The following SPIRE2 variants were observed in gnomAD, a reference collection of about 807,000 sequenced individuals.
SPIRE2 encodes protein spire homolog 2.
SPIRE2 carries 76 observed loss-of-function variants against 80.7 expected under a neutral mutation model. The ratio of observed to expected loss-of-function variants is 0.94; its 90% CI spans 0.78 to 1.14. The LOEUF (loss-of-function observed/expected upper bound fraction) is 1.14, where lower values mean the gene tolerates loss of function less well. Ranked by LOEUF, SPIRE2 falls within the 50% of genes most tolerant of loss-of-function variation. The probability of loss-of-function intolerance (pLI) is 0.00; values close to 1 mark genes in which losing one functional copy is unlikely to be tolerated. For synonymous variants in SPIRE2, 535 were observed against 432.6 expected (o/e 1.24, Z -2.94); for missense variants, 1,196 against 1,015.3 (o/e 1.18, Z -2.42).
chr16:89,850,436 G>C lies in SPIRE2; in HGVS notation c.421G>C (p.Gly141Arg), dbSNP rs554550046. 6 of 1,575,284 alleles carry C rather than the reference G, an allele frequency of 3.8e-6. No homozygotes were observed. In the South Asian group the frequency reaches 4.7e-5, roughly 12 times the overall value. The change falls in exon 3 of 15, where the codon GGC (glycine) becomes CGC (arginine). Residue 141 changes from glycine (G) to arginine (R), a missense_variant. By Grantham distance (125) the Gly-to-Arg change is moderately radical. Coordinates refer to ENST00000378247, the MANE Select transcript of SPIRE2 (RefSeq NM_032451.2). ...GGCCAACAACGACAGCGAGGACAGC[G>C]GCTGCGGTGCCGCCGATGAGGGCTA... ...LMANNDSEDS[G>R]CGAADEGYGG...
At chr16:89,844,317 C>G (rs542629075) in intron 1 of SPIRE2, among the ~76,000 whole-genome samples, 2 of 152,108 alleles carry the variant, frequency 1.3e-5, no homozygotes, top group South Asian at 4.1e-4. Context: ...TACAGGTGCT[C>G]TCCACTATGC....
At chr16:89,840,784 C>A (rs1043754430) in intron 1 of SPIRE2, among the ~76,000 whole-genome samples, 1 of 150,626 alleles carries the variant, frequency 6.6e-6, no homozygotes, top group Non-Finnish European at 1.5e-5. Context: ...TACAGGTGCC[C>A]GCCACCACGC....
In SPIRE2 at chr16:89,828,676, C is replaced by T. The variant is rs983859713; in HGVS notation, c.126C>T (p.Ala42=). The change falls in exon 1 of 15, where the codon GCC becomes GCT. Residue 42 remains alanine, a synonymous_variant. Transcript: ENST00000378247. The surrounding 1 kb of genome is among the most constrained non-coding windows in gnomAD (Gnocchi z 5.9). ...EQPLNEEQAW[A]VCFQGCRGLR... ...CGCTCAACGAGGAGCAGGCGTGGGC[C>T]GTGTGCTTCCAGGGCTGCCGCGGGC... 2.2e-6 allele frequency: 3 copies of T among 1,341,670 alleles called. No homozygotes were observed. Among genetic ancestry groups the T allele is most frequent in the Non-Finnish European group, 2.9e-6 (3 of 1,038,962 alleles). 83.1% of individuals were successfully genotyped at this position (1,341,670 alleles called of 1,614,324 possible).
chr16:89,850,077 C>T (rs375225667), intron 2 of SPIRE2: 1 of 663,734 alleles, frequency 1.5e-6, no homozygotes, highest in African/African-American at 1.8e-5. Flanking sequence ...ACCTCGTGAT[C>T]CGCCCGCCTC....
intron 12 of SPIRE2, among the ~76,000 whole-genome samples, chr16:89,866,544 C>T (rs920569027): frequency 2.0e-5 from 3 of 152,186 alleles, no homozygotes; most frequent in Non-Finnish European, 4.4e-5. Context: ...GATCGCCCAC[C>T]TTGGCCTCCC....
intron 3 of SPIRE2, among the ~76,000 whole-genome samples, chr16:89,853,365 G>C (rs1007938413): frequency 5.3e-5 from 8 of 152,284 alleles, no homozygotes; most frequent in African/African-American, 1.9e-4. Context: ...GGCGAAGTTT[G>C]GGGAATTGGT....
intron 10 of SPIRE2, chr16:89,862,371 G>A (rs1204654545): frequency 6.9e-6 from 1 of 145,424 alleles, no homozygotes. Context: ...TAAGGAATTA[G>A]AGGACACATT....
intron 12 of SPIRE2, among the ~76,000 whole-genome samples, chr16:89,865,917 G>A (rs560772329): frequency 7.0e-6 from 1 of 141,994 alleles, no homozygotes; most frequent in East Asian, 2.1e-4. Flanking sequence ...GCAGTGAGCC[G>A]AGATCGCGCC....
chr16:89,868,280 T>C lies in SPIRE2; in HGVS notation c.1806+64T>C, dbSNP rs1597226418. ...AGATGAGGGGCTCCACTGGCTTTGATTGGATGTGTTGGATGATGCTGCCTC... is the reference window on the plus strand; with the variant it reads ...AGATGAGGGGCTCCACTGGCTTTGACTGGATGTGTTGGATGATGCTGCCTC... On this transcript the variant is annotated intron_variant, in intron 13 of 14. Transcript: ENST00000378247. The C allele has an allele frequency of 4.7e-6, 7 of 1,487,468 alleles. No homozygotes were observed. In the East Asian group the frequency reaches 9.0e-5, roughly 19 times the overall value. The allele number at this position is 1,487,468 out of a possible 1,614,324, so 92.1% of individuals were successfully genotyped here. A position where few individuals can be genotyped will look rare whatever the true frequency, so the allele number is the denominator to read the frequency against.
At position 89,855,663 on chromosome 16, in the gene SPIRE2, C is replaced by T. The variant is rs201202825; in HGVS notation, c.955C>T (p.Arg319Cys). The T allele has an allele frequency of 8.7e-6, 14 of 1,612,776 alleles. No individual in the cohort carries two copies. Among genetic ancestry groups the T allele is most frequent in the African/African-American group, 4.0e-5 (3 of 75,016 alleles). The change falls in exon 6 of 15, where the codon CGC becomes TGC. Residue 319 changes from arginine (R) to cysteine (C), a missense_variant. Arg to Cys is a radical substitution (Grantham distance 180). Transcript: ENST00000378247. ...TCACGAGCTCATCCTGGACTTTATC[C>T]GCTCACGGCCTCCACTGAAGCAGGT... ...DAHELILDFI[R>C]SRPPLKQVSE...
intron 1 of SPIRE2, among the ~76,000 whole-genome samples, chr16:89,837,686 G>A (rs924525541): frequency 6.6e-6 from 1 of 151,446 alleles, no homozygotes; most frequent in Admixed American, 6.6e-5. Context: ...CCGGACTCGG[G>A]TCTCCGCACG....
Position 89,859,148 on chromosome 16 carries a change from G to C in SPIRE2, c.1273-17G>C, listed in dbSNP as rs7200842. ...GCGGGCATTGTCAGGGCAGGGCCGC[G>C]TCTGGTGTGTCCACAGGAAGAAGAG... On this transcript the variant is annotated splice_polypyrimidine_tract_variant and intron_variant, in intron 8 of 14. Transcript: ENST00000378247. The C allele has an allele frequency of 6.5e-7, 1 of 1,541,966 alleles. No individual in the cohort carries two copies. Among genetic ancestry groups the C allele is most frequent in the Non-Finnish European group, 8.8e-7 (1 of 1,137,588 alleles).
intron 1 of SPIRE2, among the ~76,000 whole-genome samples, chr16:89,835,878 T>G (rs900740917): frequency 6.6e-6 from 1 of 151,966 alleles, no homozygotes; most frequent in Non-Finnish European, 1.5e-5. Flanking sequence ...GGGAGTAGTT[T>G]AAAAGGAGTG....
intron 1 of SPIRE2, among the ~76,000 whole-genome samples, chr16:89,843,685 GTTTTTGTTTTTTGTT>G (rs1567671367): frequency 3.3e-4 from 7 of 21,300 alleles, no homozygotes; most frequent in East Asian, 6.1e-3. Flanking sequence ...TTTTTTGTTT[GTTTTTGTTTTTTGTT>G]TTTTTTTTTT....
chr16:89,867,448 T>C (rs764036427), intron 12 of SPIRE2, among the ~76,000 whole-genome samples: 2 of 150,968 alleles, frequency 1.3e-5, no homozygotes, highest in Admixed American at 6.6e-5. Flanking sequence ...TGGCCGACAG[T>C]GTGCAGTTTT....
chr16:89,859,891 G>C (rs778712466), intron 9 of SPIRE2, among the ~76,000 whole-genome samples: 3 of 152,190 alleles, frequency 2.0e-5, no homozygotes, highest in Non-Finnish European at 4.4e-5. Context: ...CATCCCAGCA[G>C]GCACGGCCAG....
In SPIRE2 at chr16:89,838,720, C is replaced by T. The variant is rs370566622; in HGVS notation, c.245-6602C>T. Among the ~76,000 whole-genome samples, 18 of 152,304 alleles carry T rather than the reference C, an allele frequency of 1.2e-4. No homozygotes were observed. The East Asian group carries it at 2.1e-3, about 18-fold the overall frequency. ...CATCCACATGCTCCAAATCAAAGTGCAGAGTGCAATGAAGGGTGTCCAACA... is the reference window on the plus strand; with the variant it reads ...CATCCACATGCTCCAAATCAAAGTGTAGAGTGCAATGAAGGGTGTCCAACA... On this transcript the variant is annotated intron_variant, in intron 1 of 14. Coordinates refer to ENST00000378247, the MANE Select transcript of SPIRE2 (RefSeq NM_032451.2).
intron 3 of SPIRE2, among the ~76,000 whole-genome samples, chr16:89,854,010 C>T (rs557318646): frequency 9.2e-5 from 14 of 152,358 alleles, no homozygotes; most frequent in East Asian, 3.9e-4. Context: ...AGAGCAGCTG[C>T]GGGGACTCGG....
chr16:89,829,498 GC>G (rs1392590210), intron 1 of SPIRE2, among the ~76,000 whole-genome samples: 1 of 152,238 alleles, frequency 6.6e-6, no homozygotes, highest in Non-Finnish European at 1.5e-5. Flanking sequence ...GACCCCAAAA[GC>G]TGGTACCCTG....
Sources: allele counts gnomAD v4.1 joint callset (sites outside exome capture counted in the v4.1 genomes callset), GRCh38; gene constraint gnomAD v4.1.1; non-coding constraint Gnocchi (gnomAD v3.1); transcripts MANE v1.5; gene names NCBI Gene and HGNC (gene_info 2026-07-23, HGNC 2026-07-21).